The following POU6F2 variants were observed in gnomAD, a reference collection of about 807,000 sequenced individuals.
POU6F2 encodes POU domain, class 6, transcription factor 2.
POU6F2 carries 31 observed loss-of-function variants against 71.3 expected under a neutral mutation model. The ratio of observed to expected loss-of-function variants is 0.43; its 90% CI spans 0.33 to 0.59. The LOEUF (loss-of-function observed/expected upper bound fraction) is 0.59. POU6F2 is among the 20% of genes least tolerant of loss of function. POU6F2 has a pLI of 0.04. For missense variants in POU6F2, 783 were observed against 856.8 expected (o/e 0.91, Z 1.07); for synonymous variants, 347 against 355.7 (o/e 0.98, Z 0.27).
chr7:39,238,322 CTG>C (rs1375212186), intron 4 of POU6F2, among the ~76,000 whole-genome samples: 6 of 152,116 alleles, frequency 3.9e-5, no homozygotes, highest in Non-Finnish European at 2.9e-5. Flanking sequence ...TCGCCAGTGT[CTG>C]TTTCCTCTCC....
intron 4 of POU6F2, among the ~76,000 whole-genome samples, chr7:39,280,633 C>A (rs1000579283): frequency 2.0e-5 from 3 of 152,124 alleles, no homozygotes; most frequent in Non-Finnish European, 4.4e-5. Flanking sequence ...TTAAGGGGGG[C>A]AGTGAAGTGG....
chr7:39,086,435 CTAT>C (rs1791247389), intron 2 of POU6F2, among the ~76,000 whole-genome samples: 1 of 152,104 alleles, frequency 6.6e-6, no homozygotes, highest in African/African-American at 2.4e-5. Context: ...AAGACATTAT[CTAT>C]CGTCTAAAGA....
chr7:39,356,998 T>C (rs1483446610), intron 5 of POU6F2, among the ~76,000 whole-genome samples: 1 of 152,198 alleles, frequency 6.6e-6, no homozygotes, highest in African/African-American at 2.4e-5. Context: ...CAATAACACA[T>C]GGTAGTTCTT....
intron 6 of POU6F2, among the ~76,000 whole-genome samples, chr7:39,421,444 A>G (rs1787847726): frequency 3.3e-5 from 5 of 152,204 alleles, no homozygotes; most frequent in Admixed American, 3.3e-4. Flanking sequence ...ATGCATCTTT[A>G]ATGGCACTTG....
At chr7:39,276,819 G>A (rs1473526589) in intron 4 of POU6F2, among the ~76,000 whole-genome samples, 24 of 150,794 alleles carry the variant, frequency 1.6e-4, no homozygotes, top group African/African-American at 4.9e-4. Flanking sequence ...ACCAAACACC[G>A]CATGTTCTCA....
intron 4 of POU6F2, among the ~76,000 whole-genome samples, chr7:39,260,912 T>C (rs570291637): frequency 5.1e-4 from 77 of 150,780 alleles, no homozygotes; most frequent in Non-Finnish European, 1.0e-3. Flanking sequence ...CACATATATA[T>C]CATATTATAC....
rs114843722 is a variant in POU6F2 at position 39,413,725 on chromosome 7, G to A, written c.1113+6985G>A. ...TAAATCAGCTCTTTCTAGAGACTGG[G>A]AAATATATATGTTCATGGGATTAGT... On this transcript the variant is annotated intron_variant, in intron 6 of 9. Coordinates refer to ENST00000518318, the MANE Select transcript of POU6F2 (RefSeq NM_001370959.1). 9.8e-3 allele frequency among the ~76,000 whole-genome samples: 1,483 copies of A among 152,100 alleles called. 18 individuals carry two copies. Among genetic ancestry groups the A allele is most frequent in the African/African-American group, 0.034 (1,425 of 41,470 alleles).
chr7:39,069,493 C>T (rs1278135782), intron 1 of POU6F2, among the ~76,000 whole-genome samples: 2 of 152,130 alleles, frequency 1.3e-5, no homozygotes, highest in African/African-American at 4.8e-5. Flanking sequence ...TTTATTTTAG[C>T]TGAAGGAAAT....
chr7:39,202,119 C>T (rs898366198), intron 2 of POU6F2, among the ~76,000 whole-genome samples: 1 of 152,184 alleles, frequency 6.6e-6, no homozygotes, highest in African/African-American at 2.4e-5. Context: ...TGAGCACCAG[C>T]TAGGCCTCAA....
At chr7:39,007,711 A>G (rs1259782166) in intron 1 of POU6F2, among the ~76,000 whole-genome samples, 1 of 151,592 alleles carries the variant, frequency 6.6e-6, no homozygotes, top group Non-Finnish European at 1.5e-5. Flanking sequence ...AGAGTGTGAT[A>G]TTCCCCTTCC....
At chr7:39,435,121 A>C (rs908958509) in intron 7 of POU6F2, among the ~76,000 whole-genome samples, 1 of 152,100 alleles carries the variant, frequency 6.6e-6, no homozygotes, top group Non-Finnish European at 1.5e-5. Context: ...TACAGTAGAA[A>C]GATTTATATT....
At chr7:39,260,923 A>C (rs1486945089) in intron 4 of POU6F2, among the ~76,000 whole-genome samples, 1 of 151,644 alleles carries the variant, frequency 6.6e-6, no homozygotes, top group Non-Finnish European at 1.5e-5. Context: ...CATATTATAC[A>C]CATCTCACAC....
chr7:39,321,093 A>C (rs1785380648), intron 4 of POU6F2, among the ~76,000 whole-genome samples: 1 of 90,056 alleles, frequency 1.1e-5, no homozygotes, highest in Non-Finnish European at 2.5e-5. Flanking sequence ...ATAACATAGT[A>C]CTATTATAAC....
At chr7:39,447,658 C>A (rs990861178) in intron 7 of POU6F2, among the ~76,000 whole-genome samples, 1 of 152,138 alleles carries the variant, frequency 6.6e-6, no homozygotes, top group Non-Finnish European at 1.5e-5. Context: ...AAAATTAAGA[C>A]AATGTAATAA....
chr7:39,054,281 T>A (rs1364551642), intron 1 of POU6F2, among the ~76,000 whole-genome samples: 1 of 152,122 alleles, frequency 6.6e-6, no homozygotes, highest in Non-Finnish European at 1.5e-5. Flanking sequence ...TTAATTAGTA[T>A]GATCCAGTTC....
At chr7:39,231,998 A>G (rs909394548) in intron 4 of POU6F2, among the ~76,000 whole-genome samples, 2 of 152,236 alleles carry the variant, frequency 1.3e-5, no homozygotes, top group African/African-American at 4.8e-5. Flanking sequence ...AAGCCATTTC[A>G]AAACAAGTAC....
At chr7:39,024,739 A>T (rs1011828326) in intron 1 of POU6F2, among the ~76,000 whole-genome samples, 1 of 151,970 alleles carries the variant, frequency 6.6e-6, no homozygotes, top group South Asian at 2.1e-4. Context: ...TGTCAAAGGC[A>T]TTTTCTGCAT....
At chr7:39,278,255 G>C (rs1003886926) in intron 4 of POU6F2, among the ~76,000 whole-genome samples, 1 of 152,090 alleles carries the variant, frequency 6.6e-6, no homozygotes, top group Admixed American at 6.5e-5. Context: ...GGGACACTTT[G>C]GCATCACTGT....
intron 2 of POU6F2, among the ~76,000 whole-genome samples, chr7:39,135,459 G>A (rs532893863): frequency 9.4e-4 from 143 of 152,026 alleles, no homozygotes; most frequent in African/African-American, 3.3e-3. Flanking sequence ...ATATTCAAAA[G>A]TACCTTAGAA....
Sources: allele counts gnomAD v4.1 joint callset (sites outside exome capture counted in the v4.1 genomes callset), GRCh38; gene constraint gnomAD v4.1.1; transcripts MANE v1.5; gene names NCBI Gene and HGNC (gene_info 2026-07-23, HGNC 2026-07-21).